AGBL1: variants seen among roughly 807,000 people sequenced by gnomAD.
AGBL1 encodes AGBL carboxypeptidase 1, also known as cytosolic carboxypeptidase 4.
AGBL1 carries 130 observed loss-of-function variants against 118.9 expected under a neutral mutation model. The ratio of observed to expected loss-of-function variants is 1.09; its 90% CI spans 0.95 to 1.26. The LOEUF (loss-of-function observed/expected upper bound fraction) is 1.26. Ranked by LOEUF, AGBL1 falls within the 50% of genes most tolerant of loss-of-function variation. The pLI, the probability that AGBL1 is intolerant of heterozygous loss-of-function variation, is 0.00. For synonymous variants in AGBL1, 555 were observed against 478.9 expected, an observed-to-expected ratio of 1.16 and a Z score of -2.08; for missense variants, 1,584 against 1,298.1, an observed-to-expected ratio of 1.22 and a Z score of -3.38.
intron 22 of AGBL1, among the ~76,000 whole-genome samples, chr15:86,817,463 TACACACACACAC>T (rs143498374): frequency 2.2e-4 from 29 of 133,488 alleles, no homozygotes; most frequent in Admixed American, 5.3e-4. Context: ...CTCTGAGAGA[TACACACACACAC>T]ACACACACAC....
chr15:86,778,882 C>G (rs1014496262), intron 22 of AGBL1, among the ~76,000 whole-genome samples: 1 of 152,126 alleles, frequency 6.6e-6, no homozygotes, highest in Admixed American at 6.5e-5. Flanking sequence ...TCCATGAAAT[C>G]TTCACAATTT....
intron 22 of AGBL1, among the ~76,000 whole-genome samples, chr15:86,894,211 G>A (rs370347394): frequency 2.0e-5 from 3 of 152,184 alleles, no homozygotes; most frequent in South Asian, 2.1e-4. Context: ...TGGAACTACC[G>A]TTTGATTTCT....
chr15:86,351,393 G>A (rs1256744865), intron 17 of AGBL1, among the ~76,000 whole-genome samples: 2 of 152,074 alleles, frequency 1.3e-5, no homozygotes, highest in African/African-American at 4.8e-5. Flanking sequence ...CATAAATATG[G>A]GTTTGGAGGG....
chr15:86,927,011 C>T (rs2016272), intron 23 of AGBL1, among the ~76,000 whole-genome samples: 1 of 151,574 alleles, frequency 6.6e-6, no homozygotes, highest in African/African-American at 2.4e-5. Flanking sequence ...TGGTGGTGGG[C>T]GCCTGTAATC....
chr15:86,225,400 C>G (rs571672743), intron 6 of AGBL1, among the ~76,000 whole-genome samples: 1 of 152,302 alleles, frequency 6.6e-6, no homozygotes, highest in South Asian at 2.1e-4. Context: ...TGGTTCTCAA[C>G]TCAGCTCAGC....
intron 22 of AGBL1, among the ~76,000 whole-genome samples, chr15:86,869,815 T>C (rs1345670055): frequency 6.6e-6 from 1 of 152,200 alleles, no homozygotes; most frequent in Non-Finnish European, 1.5e-5. Context: ...AGTCTAAGCT[T>C]GATCATCTCT....
At chr15:86,191,374 A>G (rs2077719095) in intron 5 of AGBL1, among the ~76,000 whole-genome samples, 4 of 143,114 alleles carry the variant, frequency 2.8e-5, no homozygotes. Flanking sequence ...AAAAAAAGAG[A>G]GAGAGAGAAA....
intron 22 of AGBL1, among the ~76,000 whole-genome samples, chr15:86,692,797 T>C (rs1336696089): frequency 1.3e-5 from 2 of 152,148 alleles, no homozygotes; most frequent in African/African-American, 2.4e-5. Context: ...GACCACTGTG[T>C]CATTCTTATG....
intron 21 of AGBL1, among the ~76,000 whole-genome samples, chr15:86,632,409 C>G (rs989105535): frequency 6.6e-6 from 1 of 152,038 alleles, no homozygotes; most frequent in Non-Finnish European, 1.5e-5. Context: ...CACCATTGCA[C>G]TCCAGCCTGG....
chr15:86,704,977 T>C (rs1427546859), intron 22 of AGBL1, among the ~76,000 whole-genome samples: 1 of 152,154 alleles, frequency 6.6e-6, no homozygotes, highest in African/African-American at 2.4e-5. Context: ...TTCATGTCCT[T>C]TGTAGGGACG....
intron 19 of AGBL1, among the ~76,000 whole-genome samples, chr15:86,530,628 C>A (rs1241836779): frequency 1.3e-5 from 2 of 151,518 alleles, no homozygotes; most frequent in East Asian, 3.9e-4. Flanking sequence ...ATCTACAGAA[C>A]TCTCCACCCC....
intron 21 of AGBL1, among the ~76,000 whole-genome samples, chr15:86,569,711 AT>A (rs2142307419): frequency 6.6e-6 from 1 of 152,354 alleles, no homozygotes; most frequent in African/African-American, 2.4e-5. Flanking sequence ...AAGGAATTAA[AT>A]AAAAATCAAG....
intron 24 of AGBL1, among the ~76,000 whole-genome samples, chr15:87,003,912 C>A (rs1252724461): frequency 6.6e-6 from 1 of 151,268 alleles, no homozygotes; most frequent in African/African-American, 2.5e-5. Flanking sequence ...TTTCAAAAAA[C>A]CAGCTCCTGG....
At chr15:86,650,068 G>C (rs865812790) in intron 21 of AGBL1, among the ~76,000 whole-genome samples, 13 of 152,150 alleles carry the variant, frequency 8.5e-5, no homozygotes, top group Admixed American at 2.0e-4. Context: ...AAATAGTCTA[G>C]TTTCTTAATA....
At chr15:86,855,818 C>A (rs959978092) in intron 22 of AGBL1, among the ~76,000 whole-genome samples, 2 of 152,186 alleles carry the variant, frequency 1.3e-5, no homozygotes, top group African/African-American at 2.4e-5. Flanking sequence ...ATGGTAGAGG[C>A]CTTTGCCAAG....
intron 24 of AGBL1, among the ~76,000 whole-genome samples, chr15:87,008,990 G>C (rs1416716144): frequency 6.6e-6 from 1 of 152,196 alleles, no homozygotes; most frequent in Non-Finnish European, 1.5e-5. Flanking sequence ...TTTGCAGCCT[G>C]ACAATGCGAT....
At chr15:86,102,349 C>A (rs779949147) in intron 1 of AGBL1, among the ~76,000 whole-genome samples, 3 of 152,000 alleles carry the variant, frequency 2.0e-5, no homozygotes, top group Non-Finnish European at 4.4e-5. Context: ...GCTCCTTTCT[C>A]TTCTTTATTT....
chr15:86,519,161 T>C (rs2142193879), intron 18 of AGBL1, among the ~76,000 whole-genome samples: 1 of 152,226 alleles, frequency 6.6e-6, no homozygotes, highest in Non-Finnish European at 1.5e-5. Flanking sequence ...GATATCAAAA[T>C]TCGTGGATGC....
chr15:86,253,472 A>C (rs1015522734), intron 7 of AGBL1, among the ~76,000 whole-genome samples: 7 of 152,044 alleles, frequency 4.6e-5, no homozygotes, highest in Admixed American at 2.0e-4. Context: ...GCTGGTCTCA[A>C]ACTCTTGATG....
Sources: allele counts gnomAD v4.1 joint callset (sites outside exome capture counted in the v4.1 genomes callset), GRCh38; gene constraint gnomAD v4.1.1; transcripts MANE v1.5; gene names NCBI Gene and HGNC (gene_info 2026-07-23, HGNC 2026-07-21).